Variants in AURKA observed in about 807,000 individuals in gnomAD.
AURKA encodes the protein aurora kinase A, also known as aurora 2.
In AURKA, 12 loss-of-function variants were observed where a neutral mutation model predicts 40.9. The ratio of observed to expected loss-of-function variants is 0.29; its 90% CI spans 0.19 to 0.48. The LOEUF (loss-of-function observed/expected upper bound fraction) is 0.48. AURKA is among the 20% of genes least tolerant of loss of function. AURKA has a pLI of 0.99. For synonymous variants in AURKA, 170 were observed against 164.3 expected (o/e 1.03, Z -0.26); for missense variants, 322 against 462.1 (o/e 0.70, Z 2.78).
intron 4 of AURKA, 56 bp downstream of exon 4, chr20:56,384,214 A>G (rs1663235308): frequency 6.9e-6 from 10 of 1,452,174 alleles, no homozygotes; most frequent in Non-Finnish European, 8.6e-6. Flanking sequence ...GAAATTTGCA[A>G]CGAAATAATA....
intron 4 of AURKA, among the ~76,000 whole-genome samples, chr20:56,383,722 C>T (rs1986019680): frequency 1.3e-5 from 2 of 152,182 alleles, no homozygotes; most frequent in Admixed American, 6.5e-5. Flanking sequence ...TCTGTTAGAC[C>T]GCTAAAAGCA....
intron 1 of AURKA, 79 bp from the exon 2 acceptor site, chr20:56,388,281 G>T: frequency 7.7e-7 from 1 of 1,305,204 alleles, no homozygotes; most frequent in Non-Finnish European, 1.1e-6. Flanking sequence ...CAGCGTTACA[G>T]TTCCCCAATC....
intron 2 of AURKA, 29 bp from the exon 3 acceptor site, chr20:56,386,562 G>A (rs1986408673): frequency 6.2e-7 from 1 of 1,613,528 alleles, no homozygotes; most frequent in African/African-American, 1.3e-5. Context: ...TAAACTTTCT[G>A]GCATTCATGA....
At chr20:56,384,805 A>G (rs1986156899) in intron 3 of AURKA, among the ~76,000 whole-genome samples, 1 of 152,222 alleles carries the variant, frequency 6.6e-6, no homozygotes, top group Non-Finnish European at 1.5e-5. Context: ...GGGGAAATAT[A>G]AAAATAAAAG....
chr20:56,382,871 CAG>C (rs1395273658), intron 5 of AURKA, 112 bp downstream of exon 5: 51 of 1,119,556 alleles, frequency 4.6e-5, no homozygotes, highest in Non-Finnish European at 6.0e-5. Context: ...CATTTGAAGG[CAG>C]TGCCTCGTAA....
intron 6 of AURKA, among the ~76,000 whole-genome samples, chr20:56,378,061 G>A (rs2146165561): frequency 6.6e-6 from 1 of 152,292 alleles, no homozygotes; most frequent in South Asian, 2.1e-4. Flanking sequence ...TAGCTACTTG[G>A]GAGGCTGAGA....
chr20:56,386,175 A>G (rs1600707225), intron 3 of AURKA, 82 bp downstream of exon 3: 1 of 1,563,982 alleles, frequency 6.4e-7, no homozygotes, highest in East Asian at 2.2e-5. Context: ...GGCTCCAAAC[A>G]ATAAGTGCAA....
intron 7 of AURKA, among the ~76,000 whole-genome samples, chr20:56,372,179 T>G (rs899988940): frequency 1.3e-4 from 20 of 152,178 alleles, no homozygotes; most frequent in Admixed American, 7.9e-4. Context: ...TGGTGCTGTG[T>G]TCAGCCAGGC....
rs77536004 is a variant in AURKA, at chr20:56,379,061, T to C, written c.705+2372A>G. ...AATGTAAATGATTCCATCCTGGGCA[T>C]GCAGATTGTGACAAAAAAATCTCAT... On this transcript the variant is annotated intron_variant, in intron 6 of 8. Transcript: ENST00000395915. Among the ~76,000 whole-genome samples, 622 of 152,314 alleles carry C rather than the reference T, an allele frequency of 4.1e-3. 2 individuals are homozygous for C. The highest frequency in any genetic ancestry group is 0.014 in the African/African-American group (599 of 41,564).
intron 1 of AURKA, among the ~76,000 whole-genome samples, chr20:56,390,184 G>C (rs571447537): frequency 6.6e-6 from 1 of 152,234 alleles, no homozygotes; most frequent in South Asian, 2.1e-4. Context: ...TGTCAACCGT[G>C]TACCAGCCAC....
rs567314846 is a variant in AURKA at position 56,369,986 on chromosome 20, G to A, written c.*172C>T. 2 of 772,992 alleles carry A rather than the reference G, an allele frequency of 2.6e-6. No individual in the cohort carries two copies. Among genetic ancestry groups the A allele is most frequent in the East Asian group, 5.2e-5 (2 of 38,168 alleles). The allele number at this position is 772,992 out of a possible 1,614,324, so 47.9% of individuals were successfully genotyped here. A position where few individuals can be genotyped will look rare whatever the true frequency, so the allele number is the denominator to read the frequency against. On this transcript the variant is annotated 3_prime_UTR_variant, in exon 9 of 9. Coordinates refer to ENST00000395915, the MANE Select transcript of AURKA (RefSeq NM_198437.3). ...ACTTCAGAGTGTCATGTTTATTGAT[G>A]TGGAGCTTTCTGAATAGGGAGGTTA...
chr20:56,369,869 A>T lies in AURKA; in HGVS notation c.*289T>A. The T allele has an allele frequency of 2.0e-6, 1 of 508,092 alleles. No individual in the cohort carries two copies. The highest frequency in any genetic ancestry group is 2.0e-5 in the South Asian group (1 of 49,588). The allele number at this position is 508,092 out of a possible 1,614,324, so 31.5% of individuals were successfully genotyped here. Reference sequence around the variant, plus strand: ...TGGATTTGCCTCCTGTGAAGACACCATGCCTAGCACAGGCTGACGGGGCGG... The same window carrying T: ...TGGATTTGCCTCCTGTGAAGACACCTTGCCTAGCACAGGCTGACGGGGCGG... On this transcript the variant is annotated 3_prime_UTR_variant, in exon 9 of 9. Coordinates refer to ENST00000395915, the MANE Select transcript of AURKA (RefSeq NM_198437.3).
Position 56,369,604 on chromosome 20 carries a change from C to T in AURKA, c.*554G>A, listed in dbSNP as rs903881185. 1.5e-5 allele frequency: 4 copies of T among 261,970 alleles called. No individual in the cohort carries two copies. Among genetic ancestry groups the T allele is most frequent in the Admixed American group, 4.7e-5 (1 of 21,210 alleles). 16.2% of individuals were successfully genotyped at this position (261,970 alleles called of 1,614,324 possible). ...AGGACTAGAAACCCAATCAGGCCTACCGGGGTGCCGGACAGACACACAGCA... is the reference window on the plus strand; with the variant it reads ...AGGACTAGAAACCCAATCAGGCCTATCGGGGTGCCGGACAGACACACAGCA... On this transcript the variant is annotated 3_prime_UTR_variant, in exon 9 of 9. Transcript: ENST00000395915.
At chr20:56,372,049 T>G (rs1027095490) in intron 7 of AURKA, among the ~76,000 whole-genome samples, 2 of 152,216 alleles carry the variant, frequency 1.3e-5, no homozygotes, top group African/African-American at 4.8e-5. Flanking sequence ...TTTAGGTTTT[T>G]TTAACGAAGG....
At chr20:56,375,763 AGGGCAAT>A (rs1280505889) in intron 6 of AURKA, among the ~76,000 whole-genome samples, 2 of 152,202 alleles carry the variant, frequency 1.3e-5, no homozygotes, top group African/African-American at 2.4e-5. Context: ...AAAGTTTGAG[AGGGCAAT>A]GGATTTCACT....
At position 56,383,188 on chromosome 20, in the gene AURKA, T is replaced by G; in HGVS notation, c.375-12A>C. 1.9e-6 allele frequency: 3 copies of G among 1,613,926 alleles called. No individual in the cohort carries two copies. The highest frequency in any genetic ancestry group is 2.2e-5 in the South Asian group (2 of 91,080). ...AAGCCCACTGCCTCCTAGGAGGAAT[T>G]TGAACACTTTAGAATGTGAAGAAAA... On this transcript the variant is annotated splice_polypyrimidine_tract_variant and intron_variant, in intron 4 of 8. Coordinates refer to ENST00000395915, the MANE Select transcript of AURKA (RefSeq NM_198437.3).
intron 1 of AURKA, 125 bp from the exon 2 acceptor site, chr20:56,388,327 TTG>T: frequency 1.1e-6 from 1 of 898,578 alleles, no homozygotes; most frequent in East Asian, 2.4e-5. Flanking sequence ...TTTACATGTT[TTG>T]TCCAAATGAA....
chr20:56,387,489 T>G (rs1569090630), intron 2 of AURKA, among the ~76,000 whole-genome samples: 1 of 152,206 alleles, frequency 6.6e-6, no homozygotes, highest in African/African-American at 2.4e-5. Context: ...AGTACTGTAT[T>G]ACAACCTTAA....
intron 1 of AURKA, among the ~76,000 whole-genome samples, chr20:56,390,176 T>A (rs1314589809): frequency 6.6e-6 from 1 of 152,208 alleles, no homozygotes; most frequent in African/African-American, 2.4e-5. Flanking sequence ...CCTCTTCTTG[T>A]CAACCGTGTA....
Sources: allele counts gnomAD v4.1 joint callset (sites outside exome capture counted in the v4.1 genomes callset), GRCh38; gene constraint gnomAD v4.1.1; transcripts MANE v1.5; gene names NCBI Gene and HGNC (gene_info 2026-07-23, HGNC 2026-07-21).